The following KCNT2 variants were observed in gnomAD, a reference collection of about 807,000 sequenced individuals.
KCNT2 encodes potassium channel subfamily T member 2.
In KCNT2, 67 loss-of-function variants were observed where a neutral mutation model predicts 153.8. That is an observed-to-expected ratio of 0.44 (90% CI 0.36 to 0.53). KCNT2 has a LOEUF of 0.53. Ranked by LOEUF, KCNT2 falls within the 20% of genes least tolerant of loss-of-function variation. KCNT2 has a pLI of 0.00. For synonymous variants in KCNT2, 500 were observed against 458.8 expected (o/e 1.09, Z -1.15); for missense variants, 975 against 1,354.8 (o/e 0.72, Z 4.40).
intron 1 of KCNT2, among the ~76,000 whole-genome samples, chr1:196,522,219 T>C (rs1448220372): frequency 6.6e-6 from 1 of 152,168 alleles, no homozygotes; most frequent in Non-Finnish European, 1.5e-5. Context: ...AGATTGCTTG[T>C]AAACTTCTTT....
At chr1:196,461,957 T>C (rs1026655805) in intron 8 of KCNT2, among the ~76,000 whole-genome samples, 1 of 151,736 alleles carries the variant, frequency 6.6e-6, no homozygotes, top group African/African-American at 2.4e-5. Flanking sequence ...ATTTTAAGAC[T>C]GTAAGATTCC....
intron 27 of KCNT2, among the ~76,000 whole-genome samples, chr1:196,230,666 G>T (rs1653872567): frequency 6.6e-6 from 1 of 151,994 alleles, no homozygotes; most frequent in South Asian, 2.1e-4. Flanking sequence ...AGTTGTGGTA[G>T]AAATAGCAAG....
At position 196,288,818 on chromosome 1, in the gene KCNT2, A is replaced by T. The variant is rs542127531; in HGVS notation, c.2596-3060T>A. On this transcript the variant is annotated intron_variant, in intron 22 of 27. Transcript: ENST00000294725. The stretch of plus-strand genomic sequence containing the variant: ...TGATTTGGACTTGGGTTTTGATGCC[A>T]GTGGACAGGTCCACCTGCCAAAAAT... Among the ~76,000 whole-genome samples the T allele has an allele frequency of 4.3e-4, 66 of 152,202 alleles. No homozygotes were observed. The South Asian group carries it at 5.8e-3, about 13-fold the overall frequency.
At chr1:196,475,141 G>A (rs1347444467) in intron 5 of KCNT2, among the ~76,000 whole-genome samples, 4 of 152,188 alleles carry the variant, frequency 2.6e-5, no homozygotes, top group African/African-American at 9.6e-5. Flanking sequence ...ACACATATAA[G>A]CATACATATC....
At chr1:196,282,395 T>A in intron 23 of KCNT2, 39 bp from the exon 24 acceptor site, 1 of 968,038 alleles carries the variant, frequency 1.0e-6, no homozygotes, top group Non-Finnish European at 1.6e-6. Flanking sequence ...AAATGTATAT[T>A]TATATATAAT....
intron 5 of KCNT2, 130 bp from the exon 6 acceptor site, chr1:196,469,198 G>A (rs1677873413): frequency 3.5e-6 from 2 of 566,660 alleles, no homozygotes; most frequent in South Asian, 5.3e-5. Flanking sequence ...ATATTATATA[G>A]AGATGTAGCA....
At chr1:196,416,389 G>A (rs906321300) in intron 12 of KCNT2, among the ~76,000 whole-genome samples, 2 of 152,034 alleles carry the variant, frequency 1.3e-5, no homozygotes, top group Non-Finnish European at 2.9e-5. Flanking sequence ...CTCTATCCAT[G>A]AAATTGTGAA....
At chr1:196,579,931 A>G (rs59339468) in intron 1 of KCNT2, among the ~76,000 whole-genome samples, 2,200 of 152,298 alleles carry the variant, frequency 0.014, 57 homozygotes, top group African/African-American at 0.05. Context: ...TCCTCTCAAT[A>G]GAAACATGGA....
At chr1:196,422,846 G>T (rs2148519377) in intron 12 of KCNT2, among the ~76,000 whole-genome samples, 1 of 151,998 alleles carries the variant, frequency 6.6e-6, no homozygotes, top group Non-Finnish European at 1.5e-5. Flanking sequence ...AATATTCATA[G>T]AAACTATTTG....
At chr1:196,537,678 T>C (rs1360880287) in intron 1 of KCNT2, among the ~76,000 whole-genome samples, 1 of 152,186 alleles carries the variant, frequency 6.6e-6, no homozygotes, top group South Asian at 2.1e-4. Flanking sequence ...CATGCAGCAA[T>C]GTCCTTCCCC....
intron 14 of KCNT2, among the ~76,000 whole-genome samples, chr1:196,362,275 A>C (rs1298171974): frequency 1.3e-5 from 2 of 152,028 alleles, no homozygotes; most frequent in African/African-American, 4.8e-5. Context: ...TCTTCCTGTC[A>C]TTACCTCCTT....
intron 14 of KCNT2, among the ~76,000 whole-genome samples, chr1:196,361,532 G>T (rs1331967360): frequency 1.3e-5 from 2 of 152,026 alleles, no homozygotes; most frequent in Non-Finnish European, 2.9e-5. Context: ...GCCAGAAGAT[G>T]ACATTAGCTG....
chr1:196,452,106 T>C (rs551693852), intron 8 of KCNT2, among the ~76,000 whole-genome samples: 1 of 152,110 alleles, frequency 6.6e-6, no homozygotes, highest in African/African-American at 2.4e-5. Flanking sequence ...TTCCCTTGCT[T>C]TCTATAAAGA....
At chr1:196,430,566 A>G (rs1572422060) in intron 8 of KCNT2, among the ~76,000 whole-genome samples, 1 of 152,038 alleles carries the variant, frequency 6.6e-6, no homozygotes, top group East Asian at 1.9e-4. Context: ...ATAAGCCGAT[A>G]CGCTTCCATT....
chr1:196,608,313 T>C lies in KCNT2; in HGVS notation c.-4A>G, dbSNP rs770108378. 5 of 1,611,046 alleles carry C rather than the reference T, an allele frequency of 3.1e-6. No individual in the cohort carries two copies. The South Asian group carries it at 3.3e-5, about 11-fold the overall frequency. On this transcript the variant is annotated 5_prime_UTR_variant, in exon 1 of 28. Transcript: ENST00000294725. ...CTTCGCTCTCCAAATCAACCATCCT[T>C]CCTCAAAGAGTGGGAAACATCAAAC...
intron 5 of KCNT2, among the ~76,000 whole-genome samples, chr1:196,476,033 A>G (rs1369721538): frequency 6.6e-6 from 1 of 152,236 alleles, no homozygotes; most frequent in African/African-American, 2.4e-5. Flanking sequence ...TCATCATCAT[A>G]TGATTGCAAT....
At chr1:196,429,540 T>C in intron 9 of KCNT2, 37 bp downstream of exon 9, 1 of 1,401,866 alleles carries the variant, frequency 7.1e-7, no homozygotes. Flanking sequence ...TTCATGTCTC[T>C]GTACATTTCT....
chr1:196,316,487 A>T (rs1006397085), intron 20 of KCNT2, among the ~76,000 whole-genome samples: 3 of 151,762 alleles, frequency 2.0e-5, no homozygotes, highest in Admixed American at 2.0e-4. Context: ...AAAAATACAA[A>T]ACTATGAAAT....
intron 27 of KCNT2, among the ~76,000 whole-genome samples, chr1:196,232,617 T>C (rs1045728399): frequency 6.6e-6 from 1 of 151,598 alleles, no homozygotes; most frequent in African/African-American, 2.4e-5. Flanking sequence ...AGCAGTCAAG[T>C]TGATGTTTTA....
Sources: allele counts gnomAD v4.1 joint callset (sites outside exome capture counted in the v4.1 genomes callset), GRCh38; gene constraint gnomAD v4.1.1; transcripts MANE v1.5; gene names NCBI Gene and HGNC (gene_info 2026-07-23, HGNC 2026-07-21).